Variants in PCDHGB1 observed in about 807,000 individuals in gnomAD.
PCDHGB1 encodes the protein protocadherin gamma-B1.
Under a neutral mutation model 56.6 loss-of-function variants are expected in PCDHGB1, and 34 were observed. The ratio of observed to expected loss-of-function variants is 0.60; its 90% CI spans 0.46 to 0.80. PCDHGB1 has a LOEUF of 0.80. Among genes scored for constraint, PCDHGB1 ranks in the 30% least tolerant of loss-of-function variants. PCDHGB1 has a pLI of 0.00. For synonymous variants in PCDHGB1, 561 were observed against 505.9 expected (o/e 1.11, Z -1.46); for missense variants, 1,278 against 1,204.6 (o/e 1.06, Z -0.90).
At chr5:141,383,373 G>A (rs759862188) in intron 1 of PCDHGB1, 2 of 1,614,030 alleles carry the variant, frequency 1.2e-6, no homozygotes, top group South Asian at 2.2e-5. Flanking sequence ...GCGAGGCTGG[G>A]GATCCAGATG....
intron 1 of PCDHGB1, among the ~76,000 whole-genome samples, chr5:141,448,316 T>C (rs1042171540): frequency 6.6e-6 from 1 of 152,174 alleles, no homozygotes; most frequent in Non-Finnish European, 1.5e-5. Flanking sequence ...AGGAATCTTT[T>C]CTTTGAATCT....
intron 1 of PCDHGB1, among the ~76,000 whole-genome samples, chr5:141,407,609 TG>T (rs2094960291): frequency 1.3e-5 from 2 of 152,162 alleles, no homozygotes; most frequent in Admixed American, 1.3e-4. Flanking sequence ...AAAGAAGCAT[TG>T]GTTGACATTC....
chr5:141,381,820 C>CTTTCTTTCTTTCTTTCTTTCT (rs1279410534), intron 1 of PCDHGB1, among the ~76,000 whole-genome samples: 8 of 119,916 alleles, frequency 6.7e-5, no homozygotes, highest in African/African-American at 2.7e-4. Flanking sequence ...TTCTTTCTTT[C>CTTTCTTTCTTTCTTTCTTTCT]TTCTTCTTTT....
chr5:141,415,499 C>G (rs2095876120), intron 1 of PCDHGB1: 1 of 1,614,098 alleles, frequency 6.2e-7, no homozygotes, highest in Non-Finnish European at 8.5e-7. Context: ...CTGATCTTCC[C>G]CCAGCCCAAT....
Position 141,422,925 on chromosome 5 carries a change from T to C in PCDHGB1, c.2409+70256T>C, listed in dbSNP as rs568894245. ...ACAATGCGCCCGAGATCCTGTACCC[T>C]GCCCTCCCCACAGACGGCTCCACTG... On this transcript the variant is annotated intron_variant, in intron 1 of 3. Transcript: ENST00000523390. 1.4e-4 allele frequency: 220 copies of C among 1,614,202 alleles called. 2 individuals are homozygous for C. The South Asian group carries it at 2.2e-3, about 16-fold the overall frequency.
chr5:141,361,965 G>C, intron 1 of PCDHGB1: 1 of 1,602,240 alleles, frequency 6.2e-7, no homozygotes, highest in Non-Finnish European at 8.5e-7. Context: ...ACGTGCTGCA[G>C]GCCAGCGAGC....
At chr5:141,375,308 G>T (rs761294258) in intron 1 of PCDHGB1, 24 of 1,613,722 alleles carry the variant, frequency 1.5e-5, no homozygotes, top group Non-Finnish European at 8.5e-7. Flanking sequence ...GACAAATGCA[G>T]CTCTAGACCG....
At position 141,409,348 on chromosome 5, in the gene PCDHGB1, C is replaced by T. The variant is rs115471135; in HGVS notation, c.2409+56679C>T. The T allele has an allele frequency of 4.7e-4, 755 of 1,614,018 alleles. 4 individuals carry two copies. The African/African-American group carries it at 8.3e-3, about 18-fold the overall frequency. On this transcript the variant is annotated intron_variant, in intron 1 of 3. Coordinates refer to ENST00000523390, the MANE Select transcript of PCDHGB1 (RefSeq NM_018922.3). Reference sequence around the variant, plus strand: ...TGGATTTCGGAGGAAATGGAGAAGTCAGGTGTAATATAGAAACAGACATTC... The same window carrying T: ...TGGATTTCGGAGGAAATGGAGAAGTTAGGTGTAATATAGAAACAGACATTC...
Position 141,376,694 on chromosome 5 carries a change from T to A in PCDHGB1, c.2409+24025T>A, listed in dbSNP as rs77365062. On this transcript the variant is annotated intron_variant, in intron 1 of 3. Coordinates refer to ENST00000523390, the MANE Select transcript of PCDHGB1 (RefSeq NM_018922.3). Reference sequence around the variant, plus strand: ...GGGTATCGTTTTTTTTTTTTTTTTTTTTTGAGACGGAGTCTCGCTCTGTCG... The same window carrying A: ...GGGTATCGTTTTTTTTTTTTTTTTTATTTGAGACGGAGTCTCGCTCTGTCG... The A allele has an allele frequency of 5.1e-6, 4 of 779,702 alleles. 1 individual carries two copies. The highest frequency in any genetic ancestry group is 3.9e-6 in the Non-Finnish European group (2 of 515,410). 48.3% of individuals were successfully genotyped at this position (779,702 alleles called of 1,614,324 possible).
At chr5:141,423,090 G>T in intron 1 of PCDHGB1, 5 of 1,614,022 alleles carry the variant, frequency 3.1e-6, no homozygotes, top group South Asian at 2.2e-5. Context: ...TCGCGGTGGG[G>T]GAGCACACGG....
At chr5:141,419,297 G>A (rs1460451634) in intron 1 of PCDHGB1, 1 of 1,614,048 alleles carries the variant, frequency 6.2e-7, no homozygotes, top group Admixed American at 1.7e-5. Context: ...CTCTGACCCA[G>A]ACTTCGGGCT....
intron 1 of PCDHGB1, chr5:141,384,456 C>A (rs145938509): frequency 6.2e-7 from 1 of 1,614,054 alleles, no homozygotes; most frequent in East Asian, 2.2e-5. Flanking sequence ...CGCTGCAATC[C>A]TTTGATTATG....
chr5:141,399,527 T>C lies in PCDHGB1; in HGVS notation c.2409+46858T>C, dbSNP rs781680585. ...GAAAACAACCCTCCTGGGGCCTCCA[T>C]CGCGCAAGTCTGCGCCTCGGACCTG... is the stretch of plus-strand genomic sequence containing the variant. On this transcript the variant is annotated intron_variant, in intron 1 of 3. Transcript: ENST00000523390. The C allele has an allele frequency of 1.4e-4, 229 of 1,613,898 alleles. No homozygotes were observed. The highest frequency in any genetic ancestry group is 1.9e-4 in the Non-Finnish European group (225 of 1,179,892).
chr5:141,501,299 AC>A (rs1446641380), intron 2 of PCDHGB1, among the ~76,000 whole-genome samples: 1 of 149,208 alleles, frequency 6.7e-6, no homozygotes, highest in African/African-American at 2.5e-5. Flanking sequence ...ATACACACAC[AC>A]ACACACACAC....
intron 1 of PCDHGB1, among the ~76,000 whole-genome samples, chr5:141,467,735 C>T (rs557555571): frequency 3.3e-5 from 5 of 152,182 alleles, no homozygotes; most frequent in East Asian, 3.9e-4. Flanking sequence ...AATCCCAGCT[C>T]GCTGCAACCT....
At chr5:141,390,163 C>G (rs376391116) in intron 1 of PCDHGB1, 6 of 1,613,992 alleles carry the variant, frequency 3.7e-6, no homozygotes, top group Non-Finnish European at 5.1e-6. Flanking sequence ...ACAGGAAAGA[C>G]GGAGTTTAAT....
intron 1 of PCDHGB1, chr5:141,394,832 C>G: frequency 1.9e-6 from 3 of 1,613,828 alleles, no homozygotes; most frequent in Non-Finnish European, 2.5e-6. Context: ...AAGTCCTGAC[C>G]GAGTTGGGCA....
rs548781270 is a variant in PCDHGB1, at chr5:141,351,943, C to A, written c.1683C>A (p.Pro561=). 3.1e-6 allele frequency: 5 copies of A among 1,613,168 alleles called. No individual in the cohort carries two copies. The highest frequency in any genetic ancestry group is 1.7e-6 in the Non-Finnish European group (2 of 1,179,746). The change falls in exon 1 of 4, where the codon CCC becomes CCA. Residue 561 remains proline, a synonymous_variant. Transcript: ENST00000523390. ...ACAATGCGCCACGGGTGCTGTACCC[C>A]GCGCTGGGGCCTGATGGCTCCGCCC... ...LNDNAPRVLY[P]ALGPDGSALF...
At chr5:141,374,238 T>C (rs1770300892) in intron 1 of PCDHGB1, 2 of 1,614,016 alleles carry the variant, frequency 1.2e-6, no homozygotes, top group African/African-American at 1.3e-5. Context: ...GTCAAGGATC[T>C]GGGACTGGAG....
Sources: allele counts gnomAD v4.1 joint callset (sites outside exome capture counted in the v4.1 genomes callset), GRCh38; gene constraint gnomAD v4.1.1; transcripts MANE v1.5; gene names NCBI Gene and HGNC (gene_info 2026-07-23, HGNC 2026-07-21).